The following CASR variants were observed in gnomAD, a reference collection of about 807,000 sequenced individuals.
CASR encodes the protein extracellular calcium-sensing receptor.
In CASR, 23 loss-of-function variants were observed where a neutral mutation model predicts 69.1. The ratio of observed to expected loss-of-function variants is 0.33; its 90% CI spans 0.24 to 0.47. The LOEUF (loss-of-function observed/expected upper bound fraction) is 0.47, where lower values mean the gene tolerates loss of function less well. CASR is among the 20% of genes least tolerant of loss of function. CASR has a pLI of 1.00. For missense variants in CASR, 924 were observed against 1,356.1 expected, an observed-to-expected ratio of 0.68 and a Z score of 5.00; for synonymous variants, 541 against 544.7, an observed-to-expected ratio of 0.99 and a Z score of 0.10.
intron 1 of CASR, among the ~76,000 whole-genome samples, chr3:122,238,439 G>A (rs771638534): frequency 3.9e-5 from 6 of 152,200 alleles, no homozygotes; most frequent in South Asian, 2.1e-4. Flanking sequence ...TCACCACCAC[G>A]TGTTAAAGTG....
At chr3:122,235,787 C>T (rs1028447954) in intron 1 of CASR, among the ~76,000 whole-genome samples, 1 of 152,072 alleles carries the variant, frequency 6.6e-6, no homozygotes, top group South Asian at 2.1e-4. Flanking sequence ...ATAGTGAGAC[C>T]ATGTCTCTAA....
At chr3:122,235,299 G>A (rs183611291) in intron 1 of CASR, among the ~76,000 whole-genome samples, 1 of 152,368 alleles carries the variant, frequency 6.6e-6, no homozygotes, top group Non-Finnish European at 1.5e-5. Context: ...TCCCCTGCAT[G>A]TGGCTGGGAA....
rs187766424 is a variant in CASR, at chr3:122,208,933, C to G, written c.-243+25121C>G. ...AAAAAGATCTTTTGTGTAGTTCACT[C>G]TCAGTCACTAGAGTTCGACATTGGG... On this transcript the variant is annotated intron_variant, in intron 1 of 6. Coordinates refer to ENST00000639785, the MANE Select transcript of CASR (RefSeq NM_000388.4). Among the ~76,000 whole-genome samples, 78 of 152,306 alleles carry G rather than the reference C, an allele frequency of 5.1e-4. 1 individual carries two copies. The highest frequency in any genetic ancestry group is 1.8e-3 in the African/African-American group (75 of 41,564).
At chr3:122,258,775 T>G (rs2074585458) in intron 3 of CASR, among the ~76,000 whole-genome samples, 1 of 152,158 alleles carries the variant, frequency 6.6e-6, no homozygotes, top group African/African-American at 2.4e-5. Flanking sequence ...CTGCCATGGC[T>G]ACCTATTGGA....
intron 1 of CASR, among the ~76,000 whole-genome samples, chr3:122,207,134 G>A (rs551469551): frequency 7.3e-5 from 11 of 151,440 alleles, no homozygotes; most frequent in South Asian, 2.1e-4. Flanking sequence ...TTGTAGTTCC[G>A]TGAGGTGCAT....
At chr3:122,245,594 C>T (rs1365481400) in intron 1 of CASR, 2 of 151,986 alleles carry the variant, frequency 1.3e-5, no homozygotes, top group Non-Finnish European at 2.9e-5. Flanking sequence ...TGTAACAAAC[C>T]TGCACGTTGT....
intron 3 of CASR, among the ~76,000 whole-genome samples, chr3:122,259,478 A>G (rs1162109266): frequency 1.3e-5 from 2 of 152,168 alleles, no homozygotes; most frequent in African/African-American, 2.4e-5. Flanking sequence ...AAAATTATCA[A>G]TTTTATACTA....
At position 122,253,157 on chromosome 3, in the gene CASR, T is replaced by TA. The variant is rs35149512; in HGVS notation, c.-242-785dup. 3.1e-3 allele frequency among the ~76,000 whole-genome samples: 477 copies of TA among 152,346 alleles called. 2 individuals carry two copies. Among genetic ancestry groups the TA allele is most frequent in the African/African-American group, 0.011 (455 of 41,582 alleles). ...CCTGCACAAAAAAAGGAGACTATCA[T>TA]AAAAAATAAAGAATAAGTGGTCTTT... On this transcript the variant is annotated intron_variant, in intron 1 of 6. Transcript: ENST00000639785.
intron 1 of CASR, among the ~76,000 whole-genome samples, chr3:122,234,342 G>A (rs2074308113): frequency 1.3e-5 from 2 of 152,158 alleles, no homozygotes; most frequent in South Asian, 4.1e-4. Context: ...ATAAAAACAA[G>A]CACACCAGAT....
rs2074499153 is a variant in CASR at position 122,252,406 on chromosome 3, G to GGAAAAAGAAA, written c.-242-1537_-242-1528dup. ...AGGAAGGAAGGAAGGAAGGAAGGAAGGAAAAAGAAAGAAAGAAAGAAAGAA... is the reference window on the plus strand; with the variant it reads ...AGGAAGGAAGGAAGGAAGGAAGGAAGGAAAAAGAAAGAAAAAGAAAGAAAGAAAGAAAGAA... On this transcript the variant is annotated intron_variant, in intron 1 of 6. Coordinates refer to ENST00000639785, the MANE Select transcript of CASR (RefSeq NM_000388.4). Among the ~76,000 whole-genome samples the GGAAAAAGAAA allele has an allele frequency of 7.1e-4, 4 of 5,640 alleles. 1 individual carries two copies. Among genetic ancestry groups the GGAAAAAGAAA allele is most frequent in the Non-Finnish European group, 1.7e-3 (4 of 2,290 alleles). 3.7% of individuals were successfully genotyped at this position (5,640 alleles called of 152,430 possible). A position where few individuals can be genotyped will look rare whatever the true frequency, so the allele number is the denominator to read the frequency against.
intron 1 of CASR, chr3:122,246,787 G>A (rs2074432203): frequency 6.6e-6 from 1 of 152,230 alleles, no homozygotes. Context: ...CATGTCCCCA[G>A]TGGTCCTCAG....
chr3:122,236,994 G>A (rs897270874), intron 1 of CASR, among the ~76,000 whole-genome samples: 1 of 152,038 alleles, frequency 6.6e-6, no homozygotes, highest in African/African-American at 2.4e-5. Context: ...AAATAGATGT[G>A]ATTTTAGTTA....
intron 1 of CASR, chr3:122,245,566 A>G (rs114495346): frequency 2.4e-4 from 36 of 152,272 alleles, no homozygotes; most frequent in African/African-American, 8.2e-4. Flanking sequence ...TAGTGCCAAC[A>G]TGGCACATGT....
At chr3:122,199,735 C>T (rs139610336) in intron 1 of CASR, among the ~76,000 whole-genome samples, 53 of 151,902 alleles carry the variant, frequency 3.5e-4, no homozygotes, top group Middle Eastern at 3.4e-3. Flanking sequence ...AGGAAGGATG[C>T]GGGGGTGGGA....
chr3:122,285,555 AT>A lies in CASR; in HGVS notation c.*367del. 3.8e-6 allele frequency: 1 copy of A among 262,464 alleles called. No individual in the cohort carries two copies. The highest frequency in any genetic ancestry group is 5.1e-5 in the South Asian group (1 of 19,798). The allele number at this position is 262,464 out of a possible 1,614,324, so 16.3% of individuals were successfully genotyped here. A position where few individuals can be genotyped will look rare whatever the true frequency, so the allele number is the denominator to read the frequency against. ...AGTGTGCAGACTGATGGGACATCAAATTTGCCACCACTAGAGCTGAGAGTCT... is the reference window on the plus strand; with the variant it reads ...AGTGTGCAGACTGATGGGACATCAAATTGCCACCACTAGAGCTGAGAGTCT... On this transcript the variant is annotated 3_prime_UTR_variant, in exon 7 of 7. Coordinates refer to ENST00000639785, the MANE Select transcript of CASR (RefSeq NM_000388.4).
intron 1 of CASR, among the ~76,000 whole-genome samples, chr3:122,252,400 A>AAGGT (rs1553765643): frequency 0.017 from 848 of 51,218 alleles, 63 homozygotes; most frequent in African/African-American, 0.03. Flanking sequence ...GGAAGGAAGG[A>AAGGT]AGGAAGGAAA....
In CASR at chr3:122,285,402, T is replaced by TTTAA; in HGVS notation, c.*212_*213insTAAT. 1.8e-6 allele frequency: 1 copy of TTTAA among 559,876 alleles called. No homozygotes were observed. 34.7% of individuals were successfully genotyped at this position (559,876 alleles called of 1,614,324 possible). A position where few individuals can be genotyped will look rare whatever the true frequency, so the allele number is the denominator to read the frequency against. On this transcript the variant is annotated 3_prime_UTR_variant, in exon 7 of 7. Coordinates refer to ENST00000639785, the MANE Select transcript of CASR (RefSeq NM_000388.4). ...AAAGAAGAGCCTTGTGTTTCTGTGG[T>TTTAA]TGCATTTGTCAAAGCATTGAGATCT...
chr3:122,201,571 G>A (rs1202862472), intron 1 of CASR, among the ~76,000 whole-genome samples: 18 of 152,032 alleles, frequency 1.2e-4, no homozygotes, highest in Non-Finnish European at 2.4e-4. Context: ...TTCCCAGTAG[G>A]GGCAGCCGGG....
At chr3:122,233,609 G>A (rs974333403) in intron 1 of CASR, among the ~76,000 whole-genome samples, 11 of 152,220 alleles carry the variant, frequency 7.2e-5, no homozygotes, top group African/African-American at 1.7e-4. Flanking sequence ...TCTCCAGAGC[G>A]AATGTTTCTT....
Sources: allele counts gnomAD v4.1 joint callset (sites outside exome capture counted in the v4.1 genomes callset), GRCh38; gene constraint gnomAD v4.1.1; transcripts MANE v1.5; gene names NCBI Gene and HGNC (gene_info 2026-07-23, HGNC 2026-07-21).